CCDC141: variants seen among roughly 807,000 people sequenced by gnomAD.
CCDC141 encodes coiled-coil domain-containing protein 141.
CCDC141 carries 168 observed loss-of-function variants against 181.0 expected under a neutral mutation model. That is an observed-to-expected ratio of 0.93 (90% CI 0.82 to 1.05). The LOEUF is 1.05. Ranked by LOEUF, CCDC141 falls within the 50% of genes least tolerant of loss-of-function variation. The probability of loss-of-function intolerance (pLI) is 0.00; values close to 1 mark genes in which losing one functional copy is unlikely to be tolerated. For missense variants in CCDC141, 1,902 were observed against 1,788.5 expected (o/e 1.06, Z -1.14); for synonymous variants, 666 against 642.3 (o/e 1.04, Z -0.56).
At chr2:179,043,748 C>T (rs1237444655) in intron 2 of CCDC141, among the ~76,000 whole-genome samples, 3 of 152,198 alleles carry the variant, frequency 2.0e-5, no homozygotes, top group African/African-American at 4.8e-5. Flanking sequence ...TGGAAGCATT[C>T]TCCTCGTATA....
intron 17 of CCDC141, among the ~76,000 whole-genome samples, chr2:178,860,401 T>C (rs771557173): frequency 2.6e-5 from 4 of 151,492 alleles, no homozygotes; most frequent in Non-Finnish European, 5.9e-5. Context: ...GGCATGGTGG[T>C]GCATGCCTGT....
chr2:178,820,113 G>A, the CCDC141 span, among the ~76,000 whole-genome samples: 10 of 152,096 alleles, frequency 6.6e-5, no homozygotes, highest in African/African-American at 2.2e-4. Context: ...TCCATAACAC[G>A]GCAGTTGATT....
intron 8 of CCDC141, among the ~76,000 whole-genome samples, chr2:178,893,539 ATTATAC>A (rs1325148231): frequency 6.6e-6 from 1 of 152,090 alleles, no homozygotes; most frequent in Non-Finnish European, 1.5e-5. Context: ...CTATGGACAA[ATTATAC>A]TTTAAAGATG....
chr2:178,944,664 C>T lies in CCDC141; in HGVS notation c.781-13G>A. On this transcript the variant is annotated splice_polypyrimidine_tract_variant and intron_variant, in intron 5 of 23. Transcript: ENST00000443758. Reference sequence around the variant, plus strand: ...ACCAACAAGTAACCTAGGTAAAAGGCAACAAAGAAAGATCAAAATTCAAAT... The same window carrying T: ...ACCAACAAGTAACCTAGGTAAAAGGTAACAAAGAAAGATCAAAATTCAAAT... The T allele has an allele frequency of 8.1e-7, 1 of 1,241,616 alleles. No individual in the cohort carries two copies. Among genetic ancestry groups the T allele is most frequent in the Non-Finnish European group, 1.1e-6 (1 of 894,024 alleles). 76.9% of individuals were successfully genotyped at this position (1,241,616 alleles called of 1,614,324 possible). A position where few individuals can be genotyped will look rare whatever the true frequency, so the allele number is the denominator to read the frequency against.
intron 14 of CCDC141, 51 bp from the exon 15 acceptor site, chr2:178,869,356 C>G: frequency 7.5e-7 from 1 of 1,327,028 alleles, no homozygotes. Context: ...AACTTTTTTA[C>G]TTTACAACTG....
Position 178,837,654 on chromosome 2 carries a change from C to T in CCDC141, c.3565G>A (p.Gly1189Ser). Residue 1189 changes from glycine to serine, a missense_variant, in exon 23 of 24, where the codon GGT becomes AGT. Coordinates refer to ENST00000443758, the MANE Select transcript of CCDC141 (RefSeq NM_173648.4). ...QDLKVSTDKE[G>S]GVQDLLLPED... is the part of the protein sequence containing the mutation. ...GGCAGGAGCAGGTCCTGGACGCCAC[C>T]CTCCTTGTCAGTGGACACCTTCAGG... is the stretch of plus-strand genomic sequence containing the variant. The T allele has an allele frequency of 6.2e-7, 1 of 1,614,046 alleles. No individual in the cohort carries two copies. Among genetic ancestry groups the T allele is most frequent in the Non-Finnish European group, 8.5e-7 (1 of 1,179,954 alleles).
Position 178,853,468 on chromosome 2 carries a change from C to T in CCDC141, c.3217G>A (p.Ala1073Thr), listed in dbSNP as rs370579684. The change falls in exon 20 of 24, where the codon GCC becomes ACC. Residue 1073 changes from alanine to threonine, a missense_variant. Transcript: ENST00000443758. ...VPQQEERIQE[A>T]TDLAQHLYGL... ...TATAAGTGCTGAGCAAGGTCAGTGG[C>T]CTCCTGAATCCTTTCTTCTTGCTGC... The T allele has an allele frequency of 7.4e-5, 120 of 1,613,946 alleles. No individual in the cohort carries two copies. Among genetic ancestry groups the T allele is most frequent in the Non-Finnish European group, 9.5e-5 (112 of 1,179,980 alleles).
chr2:178,869,375 A>T, intron 14 of CCDC141, 70 bp from the exon 15 acceptor site: 1 of 1,104,826 alleles, frequency 9.1e-7, no homozygotes, highest in Non-Finnish European at 1.3e-6. Context: ...TGACAATATA[A>T]AGGTCTAAAC....
intron 2 of CCDC141, among the ~76,000 whole-genome samples, chr2:179,022,554 C>T (rs192825491): frequency 2.0e-5 from 3 of 152,258 alleles, no homozygotes; most frequent in Non-Finnish European, 4.4e-5. Context: ...TTCTACCTTC[C>T]CCATGAAACC....
At chr2:179,030,047 T>TA (rs2042960674) in intron 2 of CCDC141, among the ~76,000 whole-genome samples, 2 of 152,116 alleles carry the variant, frequency 1.3e-5, no homozygotes, top group African/African-American at 2.4e-5. Context: ...CACAATACAT[T>TA]AAATGGCTAT....
chr2:179,038,798 C>T (rs2043213238), intron 2 of CCDC141, among the ~76,000 whole-genome samples: 1 of 152,138 alleles, frequency 6.6e-6, no homozygotes. Context: ...TGTTTTACCA[C>T]TCTAAAGGGT....
chr2:178,871,337 C>T (rs1189926267), intron 14 of CCDC141, 90 bp downstream of exon 14: 2 of 1,378,472 alleles, frequency 1.5e-6, no homozygotes, highest in East Asian at 2.4e-5. Flanking sequence ...TAGAAATTCA[C>T]CAGCCTGTTA....
intron 2 of CCDC141, among the ~76,000 whole-genome samples, chr2:179,020,394 TG>T (rs2042663070): frequency 6.6e-6 from 1 of 152,130 alleles, no homozygotes; most frequent in East Asian, 1.9e-4. Flanking sequence ...AAGCTGGAAC[TG>T]GGCCAGTCTT....
intron 17 of CCDC141, among the ~76,000 whole-genome samples, chr2:178,856,831 T>C (rs1382105036): frequency 6.6e-6 from 1 of 152,152 alleles, no homozygotes; most frequent in Non-Finnish European, 1.5e-5. Flanking sequence ...GTGATCCACC[T>C]ACCTTGGCCT....
intron 2 of CCDC141, chr2:179,001,763 A>G (rs1182310751): frequency 1.3e-5 from 2 of 152,350 alleles, no homozygotes; most frequent in African/African-American, 4.8e-5. Context: ...AAGCAGATGA[A>G]TATCTCCTTC....
At chr2:178,973,596 A>T (rs1382061429) in intron 4 of CCDC141, among the ~76,000 whole-genome samples, 1 of 152,190 alleles carries the variant, frequency 6.6e-6, no homozygotes, top group Non-Finnish European at 1.5e-5. Flanking sequence ...AGCCAACAGC[A>T]GTAGCAACAA....
At chr2:178,896,502 T>C (rs1055810218) in intron 8 of CCDC141, among the ~76,000 whole-genome samples, 1 of 152,152 alleles carries the variant, frequency 6.6e-6, no homozygotes, top group Non-Finnish European at 1.5e-5. Context: ...ACTTCCTAAA[T>C]GAACTGAAAG....
intron 20 of CCDC141, 148 bp downstream of exon 20, chr2:178,853,293 C>T: frequency 1.5e-6 from 1 of 667,214 alleles, no homozygotes; most frequent in Non-Finnish European, 2.5e-6. Flanking sequence ...CTTTCCCTGG[C>T]TGTGGGCTCT....
chr2:178,875,509 G>A (rs1453592787), intron 12 of CCDC141: 1 of 151,958 alleles, frequency 6.6e-6, no homozygotes, highest in Non-Finnish European at 1.5e-5. Flanking sequence ...AGGTTAAAGG[G>A]AGCTGAGATC....
Sources: allele counts gnomAD v4.1 joint callset (sites outside exome capture counted in the v4.1 genomes callset), GRCh38; gene constraint gnomAD v4.1.1; transcripts MANE v1.5; gene names NCBI Gene and HGNC (gene_info 2026-07-23, HGNC 2026-07-21).